Variants in SLAIN2 observed in about 807,000 individuals in gnomAD.
SLAIN2 encodes SLAIN family member 2.
Under a neutral mutation model 56.6 loss-of-function variants are expected in SLAIN2, and 31 were observed. The ratio of observed to expected loss-of-function variants is 0.55; its 90% CI spans 0.41 to 0.74. The LOEUF (loss-of-function observed/expected upper bound fraction) is 0.74. Among genes scored for constraint, SLAIN2 ranks in the 30% least tolerant of loss-of-function variants. The pLI, the probability that SLAIN2 is intolerant of heterozygous loss-of-function variation, is 0.00. For synonymous variants in SLAIN2, 317 were observed against 284.9 expected, an observed-to-expected ratio of 1.11 and a Z score of -1.13; for missense variants, 777 against 754.2, an observed-to-expected ratio of 1.03 and a Z score of -0.35.
At chr4:48,411,879 A>G (rs1257057715) in intron 6 of SLAIN2, among the ~76,000 whole-genome samples, 1 of 152,174 alleles carries the variant, frequency 6.6e-6, no homozygotes, top group Non-Finnish European at 1.5e-5. Context: ...TGTAGTTGTC[A>G]GTGACTTCTT....
intron 1 of SLAIN2, among the ~76,000 whole-genome samples, chr4:48,365,460 A>AAT (rs1560453461): frequency 6.6e-6 from 1 of 151,434 alleles, no homozygotes; most frequent in African/African-American, 2.4e-5. Flanking sequence ...AAAAAAAAAA[A>AAT]AAAAAGCACT....
intron 6 of SLAIN2, among the ~76,000 whole-genome samples, chr4:48,397,916 T>G (rs1055885927): frequency 6.6e-6 from 1 of 152,186 alleles, no homozygotes; most frequent in Non-Finnish European, 1.5e-5. Context: ...TGATGGGTAT[T>G]TGGGTTGATT....
intron 6 of SLAIN2, among the ~76,000 whole-genome samples, chr4:48,419,885 C>T (rs1346096887): frequency 6.6e-6 from 1 of 152,174 alleles, no homozygotes; most frequent in Non-Finnish European, 1.5e-5. Flanking sequence ...GGATTCCAAG[C>T]TGGCCTATTT....
chr4:48,384,573 T>A (rs147237459), intron 6 of SLAIN2, among the ~76,000 whole-genome samples: 3 of 152,216 alleles, frequency 2.0e-5, no homozygotes, highest in African/African-American at 7.2e-5. Flanking sequence ...ATTCTTAGAG[T>A]TAAAGCTAAA....
At chr4:48,362,767 A>ATTTTTTTTTTTTTTTTTTTTT (rs1715367867) in intron 1 of SLAIN2, among the ~76,000 whole-genome samples, 1 of 88,464 alleles carries the variant, frequency 1.1e-5, no homozygotes, top group Non-Finnish European at 2.4e-5. Flanking sequence ...TTTTTTTTTT[A>ATTTTTTTTTTTTTTTTTTTTT]AATTTATTTT....
intron 1 of SLAIN2, among the ~76,000 whole-genome samples, chr4:48,363,673 T>C (rs1174090336): frequency 1.1e-5 from 1 of 92,872 alleles, no homozygotes; most frequent in African/African-American, 4.1e-5. Context: ...GAGGGGCTCC[T>C]CACTTCCCAG....
chr4:48,356,879 A>G (rs1715169179), intron 1 of SLAIN2, among the ~76,000 whole-genome samples: 1 of 152,142 alleles, frequency 6.6e-6, no homozygotes, highest in African/African-American at 2.4e-5. Context: ...AATATTTTAA[A>G]AGGTTATCTT....
chr4:48,397,002 A>G (rs1716411056), intron 6 of SLAIN2, among the ~76,000 whole-genome samples: 1 of 152,140 alleles, frequency 6.6e-6, no homozygotes, highest in Non-Finnish European at 1.5e-5. Context: ...GTGTTTCTTC[A>G]GCCTATCCCA....
intron 1 of SLAIN2, among the ~76,000 whole-genome samples, chr4:48,361,018 T>C (rs914399569): frequency 2.0e-5 from 3 of 152,244 alleles, no homozygotes; most frequent in African/African-American, 7.2e-5. Context: ...GAATAAAATA[T>C]AGTCTCTTAT....
intron 1 of SLAIN2, among the ~76,000 whole-genome samples, chr4:48,344,786 C>T (rs1714819246): frequency 6.6e-6 from 1 of 151,774 alleles, no homozygotes; most frequent in Non-Finnish European, 1.5e-5. Context: ...GCAAAAGTTT[C>T]ACAAAATGTT....
At chr4:48,375,221 T>G (rs1311591788) in intron 2 of SLAIN2, among the ~76,000 whole-genome samples, 3 of 152,178 alleles carry the variant, frequency 2.0e-5, no homozygotes, top group Non-Finnish European at 4.4e-5. Flanking sequence ...AGGTAGAATT[T>G]AGCAACTGTA....
chr4:48,383,490 G>GT (rs1258938297), intron 5 of SLAIN2, among the ~76,000 whole-genome samples, 157 bp from the exon 6 acceptor site: 1 of 151,844 alleles, frequency 6.6e-6, no homozygotes, highest in African/African-American at 2.4e-5. Context: ...CCTAGATCGA[G>GT]TTGTTTGTTT....
At chr4:48,393,958 C>A (rs765550812) in intron 6 of SLAIN2, among the ~76,000 whole-genome samples, 1 of 152,136 alleles carries the variant, frequency 6.6e-6, no homozygotes, top group Non-Finnish European at 1.5e-5. Flanking sequence ...CAACCCACAC[C>A]AGCATTACAT....
At chr4:48,387,805 T>C (rs769933527) in intron 6 of SLAIN2, among the ~76,000 whole-genome samples, 2 of 151,254 alleles carry the variant, frequency 1.3e-5, no homozygotes, top group African/African-American at 2.5e-5. Context: ...CATGAAAATA[T>C]ATATGTAAGC....
chr4:48,383,557 TAAAC>T lies in SLAIN2; in HGVS notation c.1223-87_1223-84del, dbSNP rs1001512635. 7.2e-5 allele frequency: 86 copies of T among 1,201,790 alleles called. No homozygotes were observed. The African/African-American group carries it at 8.7e-4, about 12-fold the overall frequency. The allele number at this position is 1,201,790 out of a possible 1,614,324, so 74.4% of individuals were successfully genotyped here. A position where few individuals can be genotyped will look rare whatever the true frequency, so the allele number is the denominator to read the frequency against. On this transcript the variant is annotated intron_variant, in intron 5 of 7. Transcript: ENST00000264313. ...CATCTAAAATAAACAGAATGTTTGA[TAAAC>T]AATTTGATTTTTGAATGCTAGTTAA...
At chr4:48,413,477 C>T (rs1356013064) in intron 6 of SLAIN2, among the ~76,000 whole-genome samples, 1 of 152,096 alleles carries the variant, frequency 6.6e-6, no homozygotes, top group Non-Finnish European at 1.5e-5. Context: ...GTGAGAGAAT[C>T]ATATTTAATT....
chr4:48,343,590 C>T (rs1339313375), intron 1 of SLAIN2, among the ~76,000 whole-genome samples: 1 of 152,114 alleles, frequency 6.6e-6, no homozygotes, highest in African/African-American at 2.4e-5. Context: ...ACTGACAGTG[C>T]TCAGTAACTG....
intron 6 of SLAIN2, among the ~76,000 whole-genome samples, chr4:48,407,421 C>A (rs1716726529): frequency 1.3e-5 from 2 of 151,984 alleles, no homozygotes; most frequent in African/African-American, 4.8e-5. Flanking sequence ...ATAATTTCAT[C>A]TTTGTGTGTA....
At chr4:48,399,272 A>G (rs1716487118) in intron 6 of SLAIN2, among the ~76,000 whole-genome samples, 1 of 152,000 alleles carries the variant, frequency 6.6e-6, no homozygotes, top group Non-Finnish European at 1.5e-5. Context: ...AGCATTGTGA[A>G]TGGGAGACCA....
Sources: allele counts gnomAD v4.1 joint callset (sites outside exome capture counted in the v4.1 genomes callset), GRCh38; gene constraint gnomAD v4.1.1; transcripts MANE v1.5; gene names NCBI Gene and HGNC (gene_info 2026-07-23, HGNC 2026-07-21).